The following PHF2 variants were observed in gnomAD, a reference collection of about 807,000 sequenced individuals.
PHF2 encodes the protein PHD finger protein 2.
Under a neutral mutation model 120.5 loss-of-function variants are expected in PHF2, and 27 were observed. The ratio of observed to expected loss-of-function variants is 0.22; its 90% CI spans 0.17 to 0.31. The LOEUF (loss-of-function observed/expected upper bound fraction) is 0.31. Among genes scored for constraint, PHF2 ranks in the 10% least tolerant of loss-of-function variants. The probability of loss-of-function intolerance (pLI) is 1.00; values close to 1 mark genes in which losing one functional copy is unlikely to be tolerated. For synonymous variants in PHF2, 568 were observed against 592.5 expected (o/e 0.96, Z 0.60); for missense variants, 1,024 against 1,434.8 (o/e 0.71, Z 4.63).
chr9:93,588,503 T>C (rs1387857682), intron 1 of PHF2, among the ~76,000 whole-genome samples: 3 of 152,168 alleles, frequency 2.0e-5, no homozygotes, highest in African/African-American at 7.2e-5. Context: ...AGCCTGTACC[T>C]GAGAGGCCCG....
rs1564369130 is a variant in PHF2 at position 93,577,823 on chromosome 9, T to C, written c.98+952T>C. Among the ~76,000 whole-genome samples the C allele has an allele frequency of 2.0e-5, 3 of 151,464 alleles. No homozygotes were observed. The East Asian group carries it at 5.9e-4, about 30-fold the overall frequency. ...AGGTCCCTTCCCACCAAGAAGTAAATGGAGGAGGAGGAAGAGGAGGTGACA... is the reference window on the plus strand; with the variant it reads ...AGGTCCCTTCCCACCAAGAAGTAAACGGAGGAGGAGGAAGAGGAGGTGACA... On this transcript the variant is annotated intron_variant, in intron 1 of 21. Transcript: ENST00000359246.
At position 93,679,036 on chromosome 9, in the gene PHF2, C is replaced by T. The variant is rs1826973470; in HGVS notation, c.*1360C>T. On this transcript the variant is annotated 3_prime_UTR_variant, in exon 22 of 22. Transcript: ENST00000359246. Reference sequence around the variant, plus strand: ...ACTTTAATACCAGCTCTTTGTTTTCCTTGTATGATGAGGGGATTGGGGGAT... The same window carrying T: ...ACTTTAATACCAGCTCTTTGTTTTCTTTGTATGATGAGGGGATTGGGGGAT... The T allele has an allele frequency of 3.0e-6, 1 of 330,226 alleles. No homozygotes were observed. The highest frequency in any genetic ancestry group is 5.9e-6 in the Non-Finnish European group (1 of 169,946). The allele number at this position is 330,226 out of a possible 1,614,324, so 20.5% of individuals were successfully genotyped here.
chr9:93,658,078 T>C (rs1279324255), intron 9 of PHF2, 67 bp from the exon 10 acceptor site: 4 of 1,100,660 alleles, frequency 3.6e-6, no homozygotes, highest in South Asian at 1.3e-5. Context: ...TCTGGCTATG[T>C]GGCTGGGCAT....
intron 5 of PHF2, 58 bp downstream of exon 5, chr9:93,649,270 G>T: frequency 7.0e-7 from 1 of 1,428,450 alleles, no homozygotes; most frequent in South Asian, 1.2e-5. Context: ...GCGCTGTGCC[G>T]TCCTTGGTAG....
At chr9:93,614,862 G>A (rs62573985) in intron 1 of PHF2, among the ~76,000 whole-genome samples, 1 of 78,486 alleles carries the variant, frequency 1.3e-5, no homozygotes, top group South Asian at 7.1e-4. Flanking sequence ...TGATGATGGT[G>A]ATGATGGTGA....
chr9:93,588,853 T>C (rs1283856386), intron 1 of PHF2, among the ~76,000 whole-genome samples: 1 of 152,162 alleles, frequency 6.6e-6, no homozygotes, highest in Non-Finnish European at 1.5e-5. Context: ...ACTGCGCCAC[T>C]GCACTCCAGC....
chr9:93,655,794 G>A (rs565080421), intron 7 of PHF2, 140 bp from the exon 8 acceptor site: 11 of 632,282 alleles, frequency 1.7e-5, no homozygotes, highest in South Asian at 9.6e-5. Flanking sequence ...AGGGCACCAA[G>A]GTGTAGGCGG....
chr9:93,670,792 A>C (rs1219845354), intron 17 of PHF2, among the ~76,000 whole-genome samples: 1 of 152,166 alleles, frequency 6.6e-6, no homozygotes. Context: ...GAGCCAGTGT[A>C]GACAGGAGGA....
intron 1 of PHF2, among the ~76,000 whole-genome samples, chr9:93,582,363 C>T (rs1272735325): frequency 6.6e-6 from 1 of 152,176 alleles, no homozygotes; most frequent in Non-Finnish European, 1.5e-5. Context: ...CAGAGGAAGG[C>T]CACATACTGA....
chr9:93,675,021 A>G lies in PHF2; in HGVS notation c.2721A>G (p.Thr907=). The G allele has an allele frequency of 1.2e-6, 2 of 1,612,576 alleles. No individual in the cohort carries two copies. Among genetic ancestry groups the G allele is most frequent in the Non-Finnish European group, 1.7e-6 (2 of 1,179,048 alleles). ...CAGACGACGCTCCCTACAGCCCAAC[A>G]GGTAGTGCTGGGACAGGGGTAGGGG... The part of the protein sequence containing the change: ...KGSDDAPYSP[T]ARVGPSVPRQ... Residue 907 remains threonine, a splice_region_variant and synonymous_variant, in exon 19 of 22, where the codon ACA becomes ACG. Coordinates refer to ENST00000359246, the MANE Select transcript of PHF2 (RefSeq NM_005392.4).
chr9:93,641,102 G>A (rs1008833388), intron 3 of PHF2, among the ~76,000 whole-genome samples: 1 of 152,018 alleles, frequency 6.6e-6, no homozygotes, highest in African/African-American at 2.4e-5. Context: ...AGAGTCTCTG[G>A]GCTGTGATCA....
chr9:93,662,785 T>G, intron 12 of PHF2, 122 bp from the exon 13 acceptor site: 1 of 1,105,478 alleles, frequency 9.0e-7, no homozygotes, highest in African/African-American at 1.6e-5. Flanking sequence ...CGTGGATGGG[T>G]AGATGGATGG....
intron 6 of PHF2, among the ~76,000 whole-genome samples, chr9:93,653,768 G>A (rs1269228965): frequency 2.0e-5 from 3 of 152,316 alleles, no homozygotes; most frequent in Admixed American, 6.5e-5. Context: ...CCTCATCATC[G>A]AGGCTGAGAG....
chr9:93,614,542 G>T (rs1375879431), intron 1 of PHF2, among the ~76,000 whole-genome samples: 1 of 152,238 alleles, frequency 6.6e-6, no homozygotes, highest in Non-Finnish European at 1.5e-5. Flanking sequence ...GACAGAGGCT[G>T]CCCAGCCCCT....
At chr9:93,591,611 T>C (rs900808550) in intron 1 of PHF2, among the ~76,000 whole-genome samples, 2 of 152,218 alleles carry the variant, frequency 1.3e-5, no homozygotes, top group African/African-American at 4.8e-5. Flanking sequence ...TTTTTTTCTC[T>C]GAATGAAATC....
chr9:93,658,170 G>T lies in PHF2; in HGVS notation c.1173G>T (p.Leu391=), dbSNP rs764509705. 2.5e-6 allele frequency: 4 copies of T among 1,613,092 alleles called. No homozygotes were observed. The South Asian group carries it at 4.4e-5, about 18-fold the overall frequency. ...FKGSHKSGKQ[L]PPHLVQGAKI... ...GCTCTCACAAATCTGGGAAGCAGCT[G>T]CCCCCTCATCTAGTCCAAGGAGCTA... The change falls in exon 10 of 22, where the codon CTG becomes CTT. Residue 391 remains leucine, a synonymous_variant. Transcript: ENST00000359246.
chr9:93,616,176 C>G (rs1342267629), intron 1 of PHF2, among the ~76,000 whole-genome samples: 2 of 152,158 alleles, frequency 1.3e-5, no homozygotes, highest in African/African-American at 4.8e-5. Context: ...CCCTGGTTAC[C>G]TGACCCTTAC....
chr9:93,625,046 A>G (rs1476152582), intron 1 of PHF2, among the ~76,000 whole-genome samples: 7 of 152,348 alleles, frequency 4.6e-5, no homozygotes, highest in African/African-American at 7.2e-5. Flanking sequence ...TCACAATGCT[A>G]TGCAACCATT....
chr9:93,650,062 C>T (rs1334212548), intron 5 of PHF2, among the ~76,000 whole-genome samples: 2 of 151,884 alleles, frequency 1.3e-5, no homozygotes, highest in Non-Finnish European at 2.9e-5. Flanking sequence ...CCGACACTCA[C>T]CCATGGACGT....
Sources: allele counts gnomAD v4.1 joint callset (sites outside exome capture counted in the v4.1 genomes callset), GRCh38; gene constraint gnomAD v4.1.1; transcripts MANE v1.5; gene names NCBI Gene and HGNC (gene_info 2026-07-23, HGNC 2026-07-21).